The following TGFBR3 variants were observed in gnomAD, a reference collection of about 807,000 sequenced individuals.
TGFBR3 encodes transforming growth factor beta receptor type 3.
In TGFBR3, 46 loss-of-function variants were observed where a neutral mutation model predicts 87.9. The ratio of observed to expected loss-of-function variants is 0.52; its 90% CI spans 0.41 to 0.67. TGFBR3 has a LOEUF of 0.67. TGFBR3 is among the 30% of genes least tolerant of loss of function. TGFBR3 has a pLI of 0.00. For synonymous variants in TGFBR3, 381 were observed against 391.6 expected, an observed-to-expected ratio of 0.97 and a Z score of 0.32; for missense variants, 866 against 1,041.9, an observed-to-expected ratio of 0.83 and a Z score of 2.32.
At chr1:91,761,786 G>GA (rs996826869) in intron 3 of TGFBR3, among the ~76,000 whole-genome samples, 3 of 151,568 alleles carry the variant, frequency 2.0e-5, no homozygotes, top group Non-Finnish European at 2.9e-5. Flanking sequence ...CAAAAGAAAA[G>GA]AAAAAGAAAA....
In TGFBR3 at chr1:91,720,217, T is replaced by A; in HGVS notation, c.1089A>T (p.Gly363=). Residue 363 remains glycine (G), a synonymous_variant, in exon 9 of 17, where the codon GGA becomes GGT. Coordinates refer to ENST00000212355, the MANE Select transcript of TGFBR3 (RefSeq NM_003243.5). ...LRLENNAEEM[G]DEEVHTIPPE... ...GAGGAATAGTGTGGACTTCCTCATCTCCCATCTCCTCTGCTGGTGAAAGAA... is the reference window on the plus strand; with the variant it reads ...GAGGAATAGTGTGGACTTCCTCATCACCCATCTCCTCTGCTGGTGAAAGAA... 6.9e-6 allele frequency: 11 copies of A among 1,596,184 alleles called. No individual in the cohort carries two copies. Among genetic ancestry groups the A allele is most frequent in the Non-Finnish European group, 9.4e-6 (11 of 1,170,520 alleles).
exon 1 of TGFBR3, chr1:91,905,942 C>A (rs960666971): frequency 6.6e-6 from 1 of 152,168 alleles, no homozygotes; most frequent in Non-Finnish European, 1.5e-5. Flanking sequence ...GCGGTTCTTT[C>A]AGTTTGAAGG....
chr1:91,742,635 T>C (rs542168067), intron 4 of TGFBR3, among the ~76,000 whole-genome samples: 1 of 152,288 alleles, frequency 6.6e-6, no homozygotes, highest in South Asian at 2.1e-4. Flanking sequence ...TCCTCTAACA[T>C]TCCCTGACAT....
intron 2 of TGFBR3, 31 bp from the exon 3 acceptor site, chr1:91,797,502 C>T (rs768907958): frequency 2.5e-6 from 4 of 1,613,788 alleles, no homozygotes; most frequent in East Asian, 4.5e-5. Context: ...ACAAGCCACT[C>T]AGAAACAGCA....
chr1:91,713,107 G>A (rs972864890), intron 12 of TGFBR3, among the ~76,000 whole-genome samples: 1 of 152,222 alleles, frequency 6.6e-6, no homozygotes, highest in Non-Finnish European at 1.5e-5. Context: ...GGGTGTCAGT[G>A]ACGGTGCAAC....
upstream of TGFBR3, chr1:91,886,260 CG>C: frequency 2.3e-6 from 1 of 435,316 alleles, no homozygotes; most frequent in Non-Finnish European, 4.6e-6. Flanking sequence ...GCTCCTCCGC[CG>C]GCCCCACCGG....
At chr1:91,864,571 A>G (rs1473166947) in intron 1 of TGFBR3, among the ~76,000 whole-genome samples, 5 of 152,236 alleles carry the variant, frequency 3.3e-5, no homozygotes, top group Admixed American at 6.5e-5. Flanking sequence ...AATAAACTGC[A>G]GAAGGTTTTT....
rs375820348 is a variant in TGFBR3, at chr1:91,831,540, G to A, written c.61+29931C>T. On this transcript the variant is annotated intron_variant, in intron 2 of 16. Coordinates refer to ENST00000212355, the MANE Select transcript of TGFBR3 (RefSeq NM_003243.5). ...AATGGAAATGAAAGGTCCCTAATTCGCAGTGTAACTCAAAGGTAAACCTGC... is the reference window on the plus strand; with the variant it reads ...AATGGAAATGAAAGGTCCCTAATTCACAGTGTAACTCAAAGGTAAACCTGC... Among the ~76,000 whole-genome samples the A allele has an allele frequency of 9.2e-5, 14 of 152,264 alleles. No homozygotes were observed. In the East Asian group the frequency reaches 1.7e-3, roughly 19 times the overall value.
upstream of TGFBR3, among the ~76,000 whole-genome samples, chr1:91,889,981 G>T (rs569369157): frequency 6.6e-6 from 1 of 152,176 alleles, no homozygotes; most frequent in East Asian, 1.9e-4. Context: ...CTTATTAATG[G>T]CAATATTAAC....
rs562484657 is a variant in TGFBR3 at position 91,760,334 on chromosome 1, T to G, written c.247-1584A>C. The stretch of plus-strand genomic sequence containing the variant: ...AGGTGGCTGAGACACAAGAATCGCT[T>G]GAACCCAGGAAGTGGAGGTTGCAGT... On this transcript the variant is annotated intron_variant, in intron 3 of 16. Transcript: ENST00000212355. 5.9e-5 allele frequency among the ~76,000 whole-genome samples: 9 copies of G among 152,294 alleles called. No individual in the cohort carries two copies. In the East Asian group the frequency reaches 1.7e-3, roughly 29 times the overall value.
chr1:91,884,852 C>T (rs1017394864), intron 1 of TGFBR3, among the ~76,000 whole-genome samples: 6 of 152,230 alleles, frequency 3.9e-5, no homozygotes, highest in African/African-American at 1.4e-4. Flanking sequence ...TTTTTACTAC[C>T]TGTGGAGACT....
intron 1 of TGFBR3, among the ~76,000 whole-genome samples, chr1:91,874,289 A>G (rs1232338784): frequency 6.6e-6 from 1 of 152,196 alleles, no homozygotes; most frequent in Non-Finnish European, 1.5e-5. Context: ...CAAGCAAAGG[A>G]AACAGCACAT....
At chr1:91,729,285 TACACAC>T (rs72204982) in intron 6 of TGFBR3, among the ~76,000 whole-genome samples, 250 of 143,208 alleles carry the variant, frequency 1.7e-3, no homozygotes, top group South Asian at 3.6e-3. Context: ...TGCATGCGCA[TACACAC>T]ACACACACAC....
intron 3 of TGFBR3, among the ~76,000 whole-genome samples, chr1:91,794,489 C>T (rs1675302698): frequency 6.6e-6 from 1 of 151,070 alleles, no homozygotes; most frequent in Non-Finnish European, 1.5e-5. Context: ...AGGTGTGAGC[C>T]ACCTCGCCCG....
Position 91,729,844 on chromosome 1 carries a change from T to A in TGFBR3, c.698A>T (p.His233Leu). 1.9e-6 allele frequency: 3 copies of A among 1,614,174 alleles called. No homozygotes were observed. Among genetic ancestry groups the A allele is most frequent in the Non-Finnish European group, 2.5e-6 (3 of 1,180,024 alleles). The change falls in exon 6 of 17, where the codon CAC (histidine) becomes CTC (leucine). Residue 233 changes from histidine to leucine, a missense_variant. Physicochemically the swap from His to Leu is moderately conservative, Grantham distance 99 (BLOSUM62 -3). Transcript: ENST00000212355. ...MSSQPQNEEV[H>L]IIELITPNSN... The stretch of plus-strand genomic sequence containing the variant: ...GTTGGGGGTGATTAGCTCGATGATG[T>A]GTACTTCCTCATTCTGGGGCTGGCT...
chr1:91,709,312 C>T (rs1370567683), intron 13 of TGFBR3, among the ~76,000 whole-genome samples: 1 of 152,166 alleles, frequency 6.6e-6, no homozygotes, highest in Admixed American at 6.5e-5. Flanking sequence ...TTTAAACATG[C>T]TCAGAACACT....
At chr1:91,834,719 C>T (rs1010885433) in intron 2 of TGFBR3, among the ~76,000 whole-genome samples, 1 of 152,180 alleles carries the variant, frequency 6.6e-6, no homozygotes, top group Admixed American at 6.5e-5. Context: ...TGCTCTGTTG[C>T]CCAGGCTGCA....
intron 16 of TGFBR3, among the ~76,000 whole-genome samples, chr1:91,688,705 C>G (rs970519257): frequency 6.6e-6 from 1 of 152,032 alleles, no homozygotes; most frequent in Admixed American, 6.5e-5. Context: ...TTTCAACAAC[C>G]CTCCATGGAA....
chr1:91,802,660 C>T (rs12125313), intron 2 of TGFBR3, among the ~76,000 whole-genome samples: 17,286 of 152,098 alleles, frequency 0.11, 1,241 homozygotes, highest in East Asian at 0.28. Flanking sequence ...CATGCCTGGC[C>T]CATACTTCTT....
Sources: gnomAD v4.1 joint callset for allele counts (sites outside exome capture counted in the v4.1 genomes callset) on GRCh38, gnomAD v4.1.1 for gene constraint, MANE v1.5 for transcripts, NCBI Gene and HGNC (gene_info 2026-07-23, HGNC 2026-07-21) for gene names.